The following ADRA1B variants were observed in gnomAD, a reference collection of about 807,000 sequenced individuals.
The protein encoded by ADRA1B is alpha-1B adrenergic receptor.
A neutral mutation model predicts 17.9 loss-of-function variants in ADRA1B; 17 were observed. The ratio of observed to expected loss-of-function variants is 0.95; its 90% CI spans 0.65 to 1.42. The LOEUF (loss-of-function observed/expected upper bound fraction) is 1.42, where lower values mean the gene tolerates loss of function less well. ADRA1B is among the 40% of genes most tolerant of loss of function. The pLI is 0.00. For synonymous variants in ADRA1B, 366 were observed against 327.6 expected, an observed-to-expected ratio of 1.12 and a Z score of -1.27; for missense variants, 681 against 722.1, an observed-to-expected ratio of 0.94 and a Z score of 0.65.
At chr5:159,871,345 C>G (rs958041064) in intron 1 of ADRA1B, 3 of 152,154 alleles carry the variant, frequency 2.0e-5, no homozygotes, top group Admixed American at 6.5e-5. Context: ...CTCTAAGGCT[C>G]CCATAACAAA....
chr5:159,873,567 C>T lies in ADRA1B; in HGVS notation c.-256+8361C>T, dbSNP rs535518983. On this transcript the variant is annotated intron_variant, in intron 1 of 2. Transcript: ENST00000641205. Reference sequence around the variant, plus strand: ...TTCTGCCTCTGTTCAATCCTGTTTCCTCTCCCTTCCCCAAGTGCCGATCCC... The same window carrying T: ...TTCTGCCTCTGTTCAATCCTGTTTCTTCTCCCTTCCCCAAGTGCCGATCCC... Among the ~76,000 whole-genome samples the T allele has an allele frequency of 7.2e-5, 11 of 152,292 alleles. No individual in the cohort carries two copies. In the East Asian group the frequency reaches 9.7e-4, roughly 13 times the overall value.
chr5:159,948,102 T>C, intron 1 of ADRA1B: 1 of 985,422 alleles, frequency 1.0e-6, no homozygotes. Flanking sequence ...TAGCTGAAAG[T>C]CTCTGTACCT....
rs1755895561 is a variant in ADRA1B at position 159,972,448 on chromosome 5, C to T, written c.1519C>T (p.Pro507Ser). The T allele has an allele frequency of 6.7e-7, 1 of 1,491,346 alleles. No individual in the cohort carries two copies. The highest frequency in any genetic ancestry group is 8.9e-7 in the Non-Finnish European group (1 of 1,125,052). The allele number at this position is 1,491,346 out of a possible 1,614,324, so 92.4% of individuals were successfully genotyped here. Residue 507 changes from proline to serine, a missense_variant, in exon 2 of 2, where the codon CCG becomes TCG. Pro to Ser is a moderately conservative substitution (Grantham distance 74). This residue lies in a region of ADRA1B where 251 missense variants were observed against 224.9 expected (regional missense o/e 1.12). Coordinates refer to ENST00000306675, the MANE Select transcript of ADRA1B (RefSeq NM_000679.4). ...EAAADVANGQPGFKSNMPLAP... is the reference protein window; with the variant it reads ...EAAADVANGQSGFKSNMPLAP... ...CGCGGCCGACGTGGCCAACGGGCAGCCGGGCTTCAAAAGCAACATGCCCCT... is the reference window on the plus strand; with the variant it reads ...CGCGGCCGACGTGGCCAACGGGCAGTCGGGCTTCAAAAGCAACATGCCCCT...
intron 1 of ADRA1B, among the ~76,000 whole-genome samples, chr5:159,872,536 T>C (rs35827950): frequency 0.066 from 9,985 of 152,152 alleles, 389 homozygotes; most frequent in Middle Eastern, 0.12. Flanking sequence ...TCAGAGAAGG[T>C]GATGTGATTG....
chr5:159,875,862 A>G (rs1424892817), intron 1 of ADRA1B, among the ~76,000 whole-genome samples: 1 of 152,026 alleles, frequency 6.6e-6, no homozygotes, highest in Non-Finnish European at 1.5e-5. Context: ...ATGCTTTGGT[A>G]TAGATGGAAC....
chr5:159,981,659 C>CTTATTTT, the ADRA1B span, among the ~76,000 whole-genome samples: 1,833 of 152,216 alleles, frequency 0.012, 27 homozygotes, highest in African/African-American at 0.042. Context: ...CCACGCCCAG[C>CTTATTTT]TTATTTTTTC....
the ADRA1B span, among the ~76,000 whole-genome samples, chr5:159,985,978 A>G: frequency 6.6e-6 from 1 of 152,170 alleles, no homozygotes; most frequent in African/African-American, 2.4e-5. Context: ...AGCAGTGACT[A>G]CTCTTTAATG....
At chr5:159,939,038 A>C (rs1389628676) in intron 1 of ADRA1B, among the ~76,000 whole-genome samples, 1 of 152,210 alleles carries the variant, frequency 6.6e-6, no homozygotes, top group Non-Finnish European at 1.5e-5. Context: ...GTAAAGGTGG[A>C]AATGCCAAGA....
Position 159,951,194 on chromosome 5 carries a change from A to C in ADRA1B, c.950-20685A>C. On this transcript the variant is annotated intron_variant, in intron 1 of 1. Transcript: ENST00000306675. ...GTCAGCCCCAGCCTTCTCCATGGTG[A>C]AAGACGCTGGTGGACTTCACAACAT... The C allele has an allele frequency of 5.2e-6, 4 of 774,714 alleles. No homozygotes were observed. The South Asian group carries it at 5.3e-5, about 10-fold the overall frequency. The allele number at this position is 774,714 out of a possible 1,614,324, so 48.0% of individuals were successfully genotyped here.
intron 1 of ADRA1B, chr5:159,948,539 A>C: frequency 1.1e-6 from 1 of 924,152 alleles, no homozygotes; most frequent in Non-Finnish European, 1.3e-6. Flanking sequence ...AATTTAAAAG[A>C]ATCAGAAAAA....
the ADRA1B span, among the ~76,000 whole-genome samples, chr5:159,981,266 T>C: frequency 6.6e-6 from 1 of 152,146 alleles, no homozygotes; most frequent in Non-Finnish European, 1.5e-5. Flanking sequence ...AATTGTTGAA[T>C]GTCTAGCAGC....
chr5:159,947,891 C>A, intron 1 of ADRA1B: 1 of 985,418 alleles, frequency 1.0e-6, no homozygotes, highest in Non-Finnish European at 1.2e-6. Context: ...ACGTTAACAT[C>A]TCTGGGAGAG....
chr5:159,877,012 G>T (rs1172520266), intron 1 of ADRA1B, among the ~76,000 whole-genome samples: 1 of 152,172 alleles, frequency 6.6e-6, no homozygotes, highest in Non-Finnish European at 1.5e-5. Flanking sequence ...GCACAAAAAG[G>T]AGTTGCCTTT....
intron 1 of ADRA1B, among the ~76,000 whole-genome samples, chr5:159,963,328 A>G (rs774687440): frequency 2.0e-5 from 3 of 150,064 alleles, no homozygotes; most frequent in Non-Finnish European, 4.5e-5. Flanking sequence ...ATAAGTATGT[A>G]TATTTTGTTT....
At chr5:159,879,081 C>T (rs987338063) in intron 1 of ADRA1B, among the ~76,000 whole-genome samples, 2 of 152,094 alleles carry the variant, frequency 1.3e-5, no homozygotes, top group African/African-American at 4.8e-5. Flanking sequence ...TTACAGAAAC[C>T]ACACTGTTGA....
chr5:159,939,331 G>GCA lies in ADRA1B; in HGVS notation c.949+21478_949+21479insAC, dbSNP rs1554090936. On this transcript the variant is annotated intron_variant, in intron 1 of 1. Coordinates refer to ENST00000306675, the MANE Select transcript of ADRA1B (RefSeq NM_000679.4). The stretch of plus-strand genomic sequence containing the variant: ...TGTGTGTGTGTGTGTGTGCGCGCGC[G>GCA]CGCGCACACAATGCACTGAGGATAG... Among the ~76,000 whole-genome samples, 6 of 149,286 alleles carry GCA rather than the reference G, an allele frequency of 4.0e-5. No individual in the cohort carries two copies. The East Asian group carries it at 7.9e-4, about 20-fold the overall frequency.
At chr5:159,960,708 T>TAAA (rs71579107) in intron 1 of ADRA1B, among the ~76,000 whole-genome samples, 35 of 118,940 alleles carry the variant, frequency 2.9e-4, no homozygotes, top group African/African-American at 1.1e-3. Context: ...CCCCAGCTCT[T>TAAA]AAAAAAAAAA....
At chr5:159,877,737 T>C (rs1753818211) in intron 1 of ADRA1B, among the ~76,000 whole-genome samples, 1 of 152,182 alleles carries the variant, frequency 6.6e-6, no homozygotes, top group African/African-American at 2.4e-5. Flanking sequence ...ACTTTATAAG[T>C]AAGGAATCCA....
upstream of ADRA1B, among the ~76,000 whole-genome samples, chr5:159,915,030 A>G (rs1226880691): frequency 6.6e-6 from 1 of 152,248 alleles, no homozygotes; most frequent in Non-Finnish European, 1.5e-5. Flanking sequence ...TAAAGTCTCA[A>G]AGAAACTGAG....
Sources: allele counts gnomAD v4.1 joint callset (sites outside exome capture counted in the v4.1 genomes callset), GRCh38; gene constraint gnomAD v4.1.1; regional missense constraint gnomAD v4.1.1; transcripts MANE v1.5; gene names NCBI Gene and HGNC (gene_info 2026-07-23, HGNC 2026-07-21).